DIAPH3: variants seen among roughly 807,000 people sequenced by gnomAD.
DIAPH3 encodes protein diaphanous homolog 3.
A neutral mutation model predicts 144.3 loss-of-function variants in DIAPH3; 117 were observed. The observed-to-expected ratio is 0.81, with a 90% CI of 0.70 to 0.95. The LOEUF is 0.95. DIAPH3 is among the 40% of genes least tolerant of loss of function. The pLI, the probability that DIAPH3 is intolerant of heterozygous loss-of-function variation, is 0.00. For synonymous variants in DIAPH3, 519 were observed against 488.9 expected, an observed-to-expected ratio of 1.06 and a Z score of -0.81; for missense variants, 1,421 against 1,412.7, an observed-to-expected ratio of 1.01 and a Z score of -0.09.
intron 1 of DIAPH3, among the ~76,000 whole-genome samples, chr13:60,162,997 C>A (rs1952375022): frequency 6.6e-6 from 1 of 152,140 alleles, no homozygotes; most frequent in Non-Finnish European, 1.5e-5. Context: ...CACTAGTTGA[C>A]ACCAACGAAA....
At chr13:60,092,381 A>G (rs193152058) in intron 4 of DIAPH3, among the ~76,000 whole-genome samples, 88 of 152,272 alleles carry the variant, frequency 5.8e-4, no homozygotes, top group Admixed American at 4.2e-3. Flanking sequence ...GGCCGGGCGC[A>G]GTGGCTCACG....
chr13:59,972,708 T>TAA (rs1206531217), intron 15 of DIAPH3, among the ~76,000 whole-genome samples: 1 of 152,192 alleles, frequency 6.6e-6, no homozygotes, highest in Non-Finnish European at 1.5e-5. Flanking sequence ...ATCAATGTCT[T>TAA]AAAGATATGG....
intron 24 of DIAPH3, among the ~76,000 whole-genome samples, chr13:59,816,198 C>T (rs936024885): frequency 6.6e-6 from 1 of 151,922 alleles, no homozygotes; most frequent in Non-Finnish European, 1.5e-5. Flanking sequence ...AACATTTAGT[C>T]ATAAAATACA....
At chr13:60,058,020 C>T (rs996935567) in intron 4 of DIAPH3, among the ~76,000 whole-genome samples, 16 of 151,456 alleles carry the variant, frequency 1.1e-4, no homozygotes, top group African/African-American at 3.6e-4. Flanking sequence ...AAAGCAAATG[C>T]AACAAAAAAC....
intron 19 of DIAPH3, among the ~76,000 whole-genome samples, chr13:59,915,437 C>A (rs1004382123): frequency 6.6e-6 from 1 of 151,982 alleles, no homozygotes; most frequent in African/African-American, 2.4e-5. Context: ...TATTTGGTTT[C>A]TTTTTATTGC....
intron 5 of DIAPH3, among the ~76,000 whole-genome samples, chr13:60,020,082 A>G (rs2053911237): frequency 6.6e-6 from 1 of 152,212 alleles, no homozygotes; most frequent in Non-Finnish European, 1.5e-5. Context: ...CTCCTTGAGT[A>G]TAGGGACCGT....
At chr13:60,108,445 C>T (rs2058479780) in intron 3 of DIAPH3, among the ~76,000 whole-genome samples, 1 of 151,940 alleles carries the variant, frequency 6.6e-6, no homozygotes, top group East Asian at 1.9e-4. Context: ...CACATCTCTA[C>T]CAAAAATACA....
intron 4 of DIAPH3, among the ~76,000 whole-genome samples, chr13:60,072,065 AG>A (rs1209516730): frequency 8.5e-5 from 13 of 152,230 alleles, no homozygotes; most frequent in African/African-American, 3.1e-4. Context: ...TCAATTCAGA[AG>A]GCTCCATAGA....
intron 20 of DIAPH3, among the ~76,000 whole-genome samples, chr13:59,899,061 C>T (rs2046290437): frequency 1.3e-5 from 2 of 152,148 alleles, no homozygotes; most frequent in African/African-American, 4.8e-5. Context: ...CATCAGACTC[C>T]AAGTTCTTCA....
intron 22 of DIAPH3, among the ~76,000 whole-genome samples, chr13:59,840,675 G>A (rs1185713604): frequency 1.3e-5 from 2 of 151,782 alleles, no homozygotes; most frequent in East Asian, 1.9e-4. Flanking sequence ...CAGATGCAAC[G>A]TTTAAGGAGT....
Position 60,018,963 on chromosome 13 carries a change from C to T in DIAPH3, c.627-2818G>A, listed in dbSNP as rs551939114. Among the ~76,000 whole-genome samples, 3 of 152,256 alleles carry T rather than the reference C, an allele frequency of 2.0e-5. No homozygotes were observed. In the South Asian group the frequency reaches 6.2e-4, roughly 32 times the overall value. On this transcript the variant is annotated intron_variant, in intron 5 of 27. Transcript: ENST00000400324. ...TTTTCTTAAAAATTTGCAAACTCAACATACTGTTGTATTAACAGGTGTCAC... is the reference window on the plus strand; with the variant it reads ...TTTTCTTAAAAATTTGCAAACTCAATATACTGTTGTATTAACAGGTGTCAC...
chr13:60,010,056 A>C (rs1438806123), intron 8 of DIAPH3, among the ~76,000 whole-genome samples: 1 of 152,154 alleles, frequency 6.6e-6, no homozygotes, highest in African/African-American at 2.4e-5. Context: ...ATGCTCAAGG[A>C]CTTTGTACCC....
chr13:59,842,665 C>G (rs945968546), intron 22 of DIAPH3, among the ~76,000 whole-genome samples: 2 of 152,086 alleles, frequency 1.3e-5, no homozygotes, highest in Admixed American at 6.5e-5. Flanking sequence ...TAGACTGACT[C>G]GCTATAAATC....
intron 22 of DIAPH3, among the ~76,000 whole-genome samples, chr13:59,839,994 T>G (rs1566394272): frequency 6.6e-6 from 1 of 152,178 alleles, no homozygotes; most frequent in Non-Finnish European, 1.5e-5. Flanking sequence ...TATTATCTAA[T>G]AATATTTTTC....
chr13:60,032,128 T>C (rs936424656), intron 5 of DIAPH3, among the ~76,000 whole-genome samples: 1 of 152,220 alleles, frequency 6.6e-6, no homozygotes, highest in Admixed American at 6.5e-5. Context: ...CTTAGGTAGC[T>C]CTGCCCCTGT....
At chr13:60,109,536 G>A (rs2058511393) in intron 3 of DIAPH3, among the ~76,000 whole-genome samples, 1 of 151,766 alleles carries the variant, frequency 6.6e-6, no homozygotes, top group Non-Finnish European at 1.5e-5. Flanking sequence ...GCCCCTACTG[G>A]AGACTAGAAA....
intron 25 of DIAPH3, among the ~76,000 whole-genome samples, chr13:59,783,051 AT>A (rs1400753322): frequency 6.6e-6 from 1 of 152,212 alleles, no homozygotes; most frequent in African/African-American, 2.4e-5. Flanking sequence ...AGGAAGTAAC[AT>A]GGTCAAATTT....
chr13:59,792,784 C>T (rs1566315800), intron 25 of DIAPH3, among the ~76,000 whole-genome samples: 1 of 152,114 alleles, frequency 6.6e-6, no homozygotes, highest in Non-Finnish European at 1.5e-5. Context: ...TTACTTCCCT[C>T]CTTCATTCTC....
In DIAPH3 at chr13:59,860,922, A is replaced by G. The variant is rs188969415; in HGVS notation, c.2737+485T>C. 2.0e-5 allele frequency among the ~76,000 whole-genome samples: 3 copies of G among 152,282 alleles called. No individual in the cohort carries two copies. In the East Asian group the frequency reaches 5.8e-4, roughly 29 times the overall value. ...GTTAGAAATTTGGGCATTAGGAAAG[A>G]GTGAAATGAAACTCTGGCAGTATGG... On this transcript the variant is annotated intron_variant, in intron 22 of 27. Transcript: ENST00000400324.
Sources: gnomAD v4.1 joint callset for allele counts (sites outside exome capture counted in the v4.1 genomes callset) on GRCh38, gnomAD v4.1.1 for gene constraint, MANE v1.5 for transcripts, NCBI Gene and HGNC (gene_info 2026-07-23, HGNC 2026-07-21) for gene names.